The following CALCRL variants were observed in gnomAD, a reference collection of about 807,000 sequenced individuals.
CALCRL encodes the protein calcitonin gene-related peptide type 1 receptor.
A neutral mutation model predicts 60.4 loss-of-function variants in CALCRL; 27 were observed. The ratio of observed to expected loss-of-function variants is 0.45; its 90% CI spans 0.33 to 0.62. CALCRL has a LOEUF of 0.62. Ranked by LOEUF, CALCRL falls within the 20% of genes least tolerant of loss-of-function variation. The pLI is 0.03. For missense variants in CALCRL, 424 were observed against 540.7 expected (o/e 0.78, Z 2.14); for synonymous variants, 190 against 182.6 (o/e 1.04, Z -0.33).
rs35114345 is a variant in CALCRL at position 187,414,876 on chromosome 2, ATT to A, written c.-292-27122_-292-27121del. On this transcript the variant is annotated intron_variant, in intron 1 of 14. Transcript: ENST00000392370. ...AACTGAGCTGTGCCACCAGAAAATTATTTTTTTTTTTTTAAAAAAAAAAAGGT... is the reference window on the plus strand; with the variant it reads ...AACTGAGCTGTGCCACCAGAAAATTATTTTTTTTTTTAAAAAAAAAAAGGT... 6.8e-3 allele frequency among the ~76,000 whole-genome samples: 94 copies of A among 13,800 alleles called. 1 individual carries two copies. The highest frequency in any genetic ancestry group is 0.029 in the African/African-American group (87 of 3,050). 9.1% of individuals were successfully genotyped at this position (13,800 alleles called of 152,430 possible).
intron 7 of CALCRL, among the ~76,000 whole-genome samples, chr2:187,379,413 T>A (rs1687899455): frequency 6.6e-6 from 1 of 152,278 alleles, no homozygotes; most frequent in Admixed American, 6.5e-5. Flanking sequence ...TTTGTTCAGA[T>A]GTAAATGCCA....
intron 1 of CALCRL, among the ~76,000 whole-genome samples, chr2:187,420,308 A>T (rs948555373): frequency 6.6e-6 from 1 of 152,068 alleles, no homozygotes; most frequent in Non-Finnish European, 1.5e-5. Context: ...CTTTTATAAG[A>T]TTATGACATA....
chr2:187,426,977 G>C (rs144509164), intron 1 of CALCRL, among the ~76,000 whole-genome samples: 3 of 152,106 alleles, frequency 2.0e-5, no homozygotes, highest in African/African-American at 7.2e-5. Flanking sequence ...CCTTTTGAAA[G>C]GAGGCTTGGC....
At chr2:187,394,492 AC>A (rs1226251168) in intron 1 of CALCRL, among the ~76,000 whole-genome samples, 1 of 152,086 alleles carries the variant, frequency 6.6e-6, no homozygotes, top group Admixed American at 6.6e-5. Context: ...AAAAATCCTT[AC>A]CTGACAAAAA....
chr2:187,390,975 A>T (rs1688416567), intron 1 of CALCRL, among the ~76,000 whole-genome samples: 1 of 152,176 alleles, frequency 6.6e-6, no homozygotes, highest in Admixed American at 6.6e-5. Flanking sequence ...GCCAGCAGAC[A>T]CGTGGTGAGA....
chr2:187,431,633 G>A (rs889778593), intron 1 of CALCRL, among the ~76,000 whole-genome samples: 2 of 152,026 alleles, frequency 1.3e-5, no homozygotes, highest in Non-Finnish European at 2.9e-5. Context: ...GCACAAACAT[G>A]GAGGCAGATA....
chr2:187,397,195 C>T lies in CALCRL; in HGVS notation c.-292-9439G>A, dbSNP rs535170259. ...ATTATACATATTTTCATTTATTTGC[C>T]GTAATTTCAATAACACTGTATGTGG... is the stretch of plus-strand genomic sequence containing the variant. On this transcript the variant is annotated intron_variant, in intron 1 of 14. Transcript: ENST00000392370. 2.3e-4 allele frequency among the ~76,000 whole-genome samples: 35 copies of T among 151,512 alleles called. No homozygotes were observed. The East Asian group carries it at 6.0e-3, about 26-fold the overall frequency.
At position 187,436,838 on chromosome 2, in the gene CALCRL, C is replaced by T. The variant is rs1031212328; in HGVS notation, c.-293+11201G>A. On this transcript the variant is annotated intron_variant, in intron 1 of 14. Transcript: ENST00000392370. ...ACTAATTTGTCTTCTTTTACAGCCTCTCCTTTTATCTTCTCTTTCTTTTCT... is the reference window on the plus strand; with the variant it reads ...ACTAATTTGTCTTCTTTTACAGCCTTTCCTTTTATCTTCTCTTTCTTTTCT... Among the ~76,000 whole-genome samples, 7 of 152,288 alleles carry T rather than the reference C, an allele frequency of 4.6e-5. No individual in the cohort carries two copies. The South Asian group carries it at 1.0e-3, about 23-fold the overall frequency.
Position 187,345,993 on chromosome 2 carries a change from C to A in CALCRL, c.*191G>T. ...GTATTTACTGACAAACATTACAAAC[C>A]AGGATTTCTTTTTTCCCACATAGAG... On this transcript the variant is annotated 3_prime_UTR_variant, in exon 15 of 15. Transcript: ENST00000392370. 4.2e-6 allele frequency: 2 copies of A among 478,146 alleles called. No individual in the cohort carries two copies. Among genetic ancestry groups the A allele is most frequent in the Non-Finnish European group, 7.4e-6 (2 of 270,252 alleles). The allele number at this position is 478,146 out of a possible 1,614,324, so 29.6% of individuals were successfully genotyped here. A position where few individuals can be genotyped will look rare whatever the true frequency, so the allele number is the denominator to read the frequency against.
intron 1 of CALCRL, among the ~76,000 whole-genome samples, chr2:187,408,100 C>T (rs1461514726): frequency 6.6e-6 from 1 of 151,668 alleles, no homozygotes; most frequent in African/African-American, 2.4e-5. Context: ...TTCTATCATT[C>T]TGAGGGAAAA....
intron 1 of CALCRL, among the ~76,000 whole-genome samples, chr2:187,409,697 A>T (rs1256499694): frequency 6.6e-6 from 1 of 152,234 alleles, no homozygotes; most frequent in African/African-American, 2.4e-5. Context: ...TATTCATACA[A>T]ATTCAAAATG....
At chr2:187,444,738 G>A (rs1458159630) in intron 1 of CALCRL, among the ~76,000 whole-genome samples, 3 of 151,400 alleles carry the variant, frequency 2.0e-5, no homozygotes, top group East Asian at 1.9e-4. Context: ...ACCTTATTAT[G>A]TCCTTAAAAA....
intron 1 of CALCRL, among the ~76,000 whole-genome samples, chr2:187,432,783 G>A (rs1690456091): frequency 6.6e-6 from 1 of 152,054 alleles, no homozygotes; most frequent in Admixed American, 6.6e-5. Flanking sequence ...GTCAAAGATG[G>A]TCCACATATA....
At position 187,346,150 on chromosome 2, in the gene CALCRL, A is replaced by G. The variant is rs201875819; in HGVS notation, c.*34T>C. On this transcript the variant is annotated 3_prime_UTR_variant, in exon 15 of 15. Coordinates refer to ENST00000392370, the MANE Select transcript of CALCRL (RefSeq NM_005795.6). ...GGGTCCAAGTCCTTGAGTTAGGAGA[A>G]GCACAAAACAGTGAGACAACCATCC... The G allele has an allele frequency of 4.6e-4, 639 of 1,384,766 alleles. No individual in the cohort carries two copies. Among genetic ancestry groups the G allele is most frequent in the Non-Finnish European group, 6.1e-4 (610 of 993,682 alleles). 85.8% of individuals were successfully genotyped at this position (1,384,766 alleles called of 1,614,324 possible). A position where few individuals can be genotyped will look rare whatever the true frequency, so the allele number is the denominator to read the frequency against.
intron 1 of CALCRL, among the ~76,000 whole-genome samples, chr2:187,438,118 A>C (rs1690731103): frequency 6.6e-6 from 1 of 152,200 alleles, no homozygotes; most frequent in Non-Finnish European, 1.5e-5. Flanking sequence ...AAAACAATAA[A>C]GTTAACACTG....
intron 1 of CALCRL, among the ~76,000 whole-genome samples, chr2:187,391,835 C>A (rs1317849735): frequency 6.6e-6 from 1 of 151,932 alleles, no homozygotes; most frequent in Admixed American, 6.6e-5. Context: ...ATCTGAAATA[C>A]CTTTTGAAAT....
chr2:187,439,537 TATA>T (rs1299408488), intron 1 of CALCRL, among the ~76,000 whole-genome samples: 1 of 151,722 alleles, frequency 6.6e-6, no homozygotes, highest in Non-Finnish European at 1.5e-5. Flanking sequence ...ATATGTAAAT[TATA>T]GTAGATTGGT....
intron 1 of CALCRL, among the ~76,000 whole-genome samples, chr2:187,413,821 A>G (rs1307723291): frequency 6.6e-6 from 1 of 152,146 alleles, no homozygotes; most frequent in East Asian, 1.9e-4. Context: ...TGGCATTTGC[A>G]AAGACTGGAA....
intron 1 of CALCRL, among the ~76,000 whole-genome samples, chr2:187,394,716 A>G (rs1688589054): frequency 1.3e-5 from 2 of 152,006 alleles, no homozygotes; most frequent in South Asian, 4.1e-4. Context: ...TGAGTATAAA[A>G]CTTGATCGTT....
Sources: gnomAD v4.1 joint callset for allele counts (sites outside exome capture counted in the v4.1 genomes callset) on GRCh38, gnomAD v4.1.1 for gene constraint, MANE v1.5 for transcripts, NCBI Gene and HGNC (gene_info 2026-07-23, HGNC 2026-07-21) for gene names.